Variants in PKHD1L1 observed in about 807,000 individuals in gnomAD.
PKHD1L1 encodes the protein PKHD1 like 1, also known as fibrocystin-L.
PKHD1L1 carries 434 observed loss-of-function variants against 462.9 expected under a neutral mutation model. The observed-to-expected ratio is 0.94, with a 90% CI of 0.87 to 1.02. PKHD1L1 has a LOEUF of 1.02. Among genes scored for constraint, PKHD1L1 ranks in the 50% least tolerant of loss-of-function variants. The pLI is 0.00. For missense variants in PKHD1L1, 5,202 were observed against 5,096.1 expected (o/e 1.02, Z -0.63); for synonymous variants, 1,781 against 1,750.0 (o/e 1.02, Z -0.44).
At chr8:109,436,313 G>A in intron 29 of PKHD1L1, 25 bp from the exon 30 acceptor site, 1 of 1,595,970 alleles carries the variant, frequency 6.3e-7, no homozygotes. Flanking sequence ...TTTTGTTGTT[G>A]TTTTTGTTTG....
intron 49 of PKHD1L1, 83 bp from the exon 50 acceptor site, chr8:109,466,495 G>A (rs1463267767): frequency 7.5e-7 from 1 of 1,327,404 alleles, no homozygotes; most frequent in Non-Finnish European, 1.0e-6. Context: ...GTGGTACTAT[G>A]GGTCACAATT....
intron 70 of PKHD1L1, 52 bp downstream of exon 70, chr8:109,508,316 T>TA: frequency 6.7e-7 from 1 of 1,499,440 alleles, no homozygotes; most frequent in Non-Finnish European, 9.0e-7. Context: ...TGCTTGTTAT[T>TA]AAATGCATGA....
At chr8:109,471,180 T>G (rs1028767627) in intron 50 of PKHD1L1, 119 of 1,121,616 alleles carry the variant, frequency 1.1e-4, no homozygotes, top group Non-Finnish European at 1.4e-4. Context: ...TTTTTATTAC[T>G]AGTGTTTAAG....
At position 109,427,116 on chromosome 8, in the gene PKHD1L1, T is replaced by G; in HGVS notation, c.2960T>G (p.Ile987Ser). ...EGTCAGYAWN[I>S]KWRSTCGKQN... Reference sequence around the variant, plus strand: ...ACCTGTGCTGGCTACGCGTGGAACATCAAATGGAGAAGCACCTGCGGAAAG... The same window carrying G: ...ACCTGTGCTGGCTACGCGTGGAACAGCAAATGGAGAAGCACCTGCGGAAAG... The change falls in exon 25 of 78, where the codon ATC becomes AGC. Residue 987 changes from isoleucine to serine, a missense_variant. By Grantham distance (142) the Ile-to-Ser change is moderately radical (BLOSUM62 -2). Transcript: ENST00000378402. The G allele has an allele frequency of 4.3e-6, 7 of 1,613,942 alleles. No homozygotes were observed. The highest frequency in any genetic ancestry group is 5.9e-6 in the Non-Finnish European group (7 of 1,179,846).
At chr8:109,495,743 A>T (rs1330857568) in intron 63 of PKHD1L1, among the ~76,000 whole-genome samples, 1 of 152,182 alleles carries the variant, frequency 6.6e-6, no homozygotes, top group African/African-American at 2.4e-5. Context: ...GAAGAAGGGA[A>T]AATCAGCAGA....
At position 109,420,691 on chromosome 8, in the gene PKHD1L1, G is replaced by C. The variant is rs1175502772; in HGVS notation, c.2697+1G>C. ...CATGATGGCTGTGAGCTTTGGGCAG[G>C]TAAGCCTAGAATTTTGCATTAATTT... On this transcript the variant is annotated splice_donor_variant, in intron 23 of 77. Transcript: ENST00000378402. LOFTEE classifies it high-confidence loss of function. 3 of 1,543,124 alleles carry C rather than the reference G, an allele frequency of 1.9e-6. No homozygotes were observed. In the Admixed American group the frequency reaches 6.6e-5, roughly 34 times the overall value.
intron 14 of PKHD1L1, 37 bp downstream of exon 14, chr8:109,401,625 A>T: frequency 9.1e-7 from 1 of 1,092,942 alleles, no homozygotes; most frequent in Admixed American, 2.0e-5. Context: ...ACTGTGTGGT[A>T]TTTATAAGCT....
chr8:109,443,167 T>A (rs1815911259), intron 36 of PKHD1L1, 51 bp downstream of exon 36: 1 of 1,560,136 alleles, frequency 6.4e-7, no homozygotes, highest in Non-Finnish European at 8.8e-7. Flanking sequence ...CCAGGGTGTA[T>A]GTGATATTTC....
At chr8:109,396,784 C>A (rs1352250936) in intron 11 of PKHD1L1, among the ~76,000 whole-genome samples, 2 of 152,294 alleles carry the variant, frequency 1.3e-5, no homozygotes, top group Non-Finnish European at 2.9e-5. Flanking sequence ...AATGACATCA[C>A]GTCTATTGCT....
In PKHD1L1 at chr8:109,451,051, G is replaced by A. The variant is rs372969488; in HGVS notation, c.6252G>A (p.Thr2084=). Residue 2084 remains threonine (T), a synonymous_variant, in exon 41 of 78, where the codon ACG becomes ACA. Coordinates refer to ENST00000378402, the MANE Select transcript of PKHD1L1 (RefSeq NM_177531.6). The part of the protein sequence containing the change: ...KDLSQSMTPF[T]YAVSLTPLIT... ...TGTCACAGTCCATGACTCCGTTTAC[G>A]TACGCAGTGTCACTGACTCCACTCA... 48 of 1,613,680 alleles carry A rather than the reference G, an allele frequency of 3.0e-5. No homozygotes were observed. The highest frequency in any genetic ancestry group is 3.3e-4 in the Middle Eastern group (2 of 6,084).
At chr8:109,406,243 A>G in intron 16 of PKHD1L1, 92 bp from the exon 17 acceptor site, 1 of 1,287,142 alleles carries the variant, frequency 7.8e-7, no homozygotes, top group Non-Finnish European at 1.0e-6. Context: ...TGCTTTAAAA[A>G]TATAAATACG....
At chr8:109,439,682 G>A (rs2844253) in intron 32 of PKHD1L1, among the ~76,000 whole-genome samples, 80,574 of 151,788 alleles carry the variant, frequency 0.53, 21,515 homozygotes, top group South Asian at 0.68. Flanking sequence ...CTCCAACTCA[G>A]TTTTCTGTAA....
In PKHD1L1 at chr8:109,445,643, G is replaced by A. The variant is rs769933653; in HGVS notation, c.5774G>A (p.Arg1925Lys). 1 of 1,599,514 alleles carries A rather than the reference G, an allele frequency of 6.3e-7. No homozygotes were observed. Among genetic ancestry groups the A allele is most frequent in the East Asian group, 2.2e-5 (1 of 44,742 alleles). The change falls in exon 38 of 78, where the codon AGA (arginine) becomes AAA (lysine). Residue 1925 changes from arginine (R) to lysine (K), a missense_variant and splice_region_variant. Transcript: ENST00000378402. ...TTTCTCAGAGGAATTATCCCAAGCA[G>A]AGGTACTCCAATATCTGCCTTATTA... ...TPFLRGIIPS[R>K]GPPGTEIEIT...
chr8:109,513,337 C>T (rs1368270911), intron 71 of PKHD1L1, among the ~76,000 whole-genome samples: 3 of 152,038 alleles, frequency 2.0e-5, no homozygotes, highest in Non-Finnish European at 4.4e-5. Context: ...AATGTACATC[C>T]AAAACTGATC....
At chr8:109,366,652 G>A (rs1394222804) in intron 2 of PKHD1L1, among the ~76,000 whole-genome samples, 1 of 151,314 alleles carries the variant, frequency 6.6e-6, no homozygotes, top group Non-Finnish European at 1.5e-5. Context: ...GAAACTTTTG[G>A]AAGCAAGGGG....
chr8:109,373,483 G>GT (rs140711121), intron 2 of PKHD1L1, among the ~76,000 whole-genome samples: 45,001 of 151,810 alleles, frequency 0.3, 7,239 homozygotes, highest in Admixed American at 0.43. Flanking sequence ...TTTTTGAAGG[G>GT]TTTTTTGTGT....
intron 10 of PKHD1L1, among the ~76,000 whole-genome samples, chr8:109,395,775 C>A (rs1488947247): frequency 1.3e-5 from 2 of 152,134 alleles, no homozygotes; most frequent in Non-Finnish European, 2.9e-5. Flanking sequence ...GCTCGCATTA[C>A]CAATGTTGCT....
chr8:109,491,284 G>C (rs1818812893), intron 61 of PKHD1L1, among the ~76,000 whole-genome samples, 183 bp downstream of exon 61: 1 of 151,786 alleles, frequency 6.6e-6, no homozygotes, highest in Non-Finnish European at 1.5e-5. Context: ...ATGGCTAGGA[G>C]CTGAATTATG....
chr8:109,461,373 T>C (rs1035067138), intron 47 of PKHD1L1, among the ~76,000 whole-genome samples: 1 of 152,194 alleles, frequency 6.6e-6, no homozygotes. Context: ...CCTGTTCTAT[T>C]TACTATGGTT....
Sources: allele counts gnomAD v4.1 joint callset (sites outside exome capture counted in the v4.1 genomes callset), GRCh38; gene constraint gnomAD v4.1.1; transcripts MANE v1.5; gene names NCBI Gene and HGNC (gene_info 2026-07-23, HGNC 2026-07-21).